ADAMTS10: variants seen among roughly 807,000 people sequenced by gnomAD.
The protein encoded by ADAMTS10 is ADAM metallopeptidase with thrombospondin type 1 motif 10.
In ADAMTS10, 48 loss-of-function variants were observed where a neutral mutation model predicts 135.9. The ratio of observed to expected loss-of-function variants is 0.35; its 90% CI spans 0.28 to 0.45. ADAMTS10 has a LOEUF of 0.45. Ranked by LOEUF, ADAMTS10 falls within the 20% of genes least tolerant of loss-of-function variation. The pLI, the probability that ADAMTS10 is intolerant of heterozygous loss-of-function variation, is 1.00. For missense variants in ADAMTS10, 1,131 were observed against 1,565.2 expected, an observed-to-expected ratio of 0.72 and a Z score of 4.68; for synonymous variants, 621 against 647.5, an observed-to-expected ratio of 0.96 and a Z score of 0.62.
At chr19:8,594,595 G>C (rs1242169645) in intron 12 of ADAMTS10, among the ~76,000 whole-genome samples, 4 of 152,126 alleles carry the variant, frequency 2.6e-5, no homozygotes, top group Non-Finnish European at 5.9e-5. Flanking sequence ...AGTCATGAGA[G>C]ACCTGGATTT....
Position 8,595,501 on chromosome 19 carries a change from C to A in ADAMTS10, c.1479+261G>T, listed in dbSNP as rs571615234. 7.5e-4 allele frequency: 384 copies of A among 508,922 alleles called. 3 individuals are homozygous for A. Among genetic ancestry groups the A allele is most frequent in the African/African-American group, 6.6e-3 (343 of 51,796 alleles). The allele number at this position is 508,922 out of a possible 1,614,324, so 31.5% of individuals were successfully genotyped here. On this transcript the variant is annotated intron_variant, in intron 12 of 25. Transcript: ENST00000597188. Reference sequence around the variant, plus strand: ...GTGTGATGTGCCAGACAGAAGCTGGCCCCCCAGCCCAGCCCTCAAATCAGG... The same window carrying A: ...GTGTGATGTGCCAGACAGAAGCTGGACCCCCAGCCCAGCCCTCAAATCAGG...
rs2042482161 is a variant in ADAMTS10 at position 8,589,190 on chromosome 19, G to A, written c.2158+52C>T. 5.6e-6 allele frequency: 9 copies of A among 1,609,584 alleles called. No individual in the cohort carries two copies. In the South Asian group the frequency reaches 9.9e-5, roughly 18 times the overall value. ...TACTGCACTGGGATCAGTTCCACCTGCAGTCAGCTGGCCCATGCAGGGAGT... is the reference window on the plus strand; with the variant it reads ...TACTGCACTGGGATCAGTTCCACCTACAGTCAGCTGGCCCATGCAGGGAGT... On this transcript the variant is annotated intron_variant, in intron 18 of 25. Transcript: ENST00000597188.
chr19:8,601,254 T>C lies in ADAMTS10; in HGVS notation c.593-109A>G, dbSNP rs188806278. 1.9e-4 allele frequency: 234 copies of C among 1,233,696 alleles called. 1 individual carries two copies. The East Asian group carries it at 5.5e-3, about 29-fold the overall frequency. 76.4% of individuals were successfully genotyped at this position (1,233,696 alleles called of 1,614,324 possible). A position where few individuals can be genotyped will look rare whatever the true frequency, so the allele number is the denominator to read the frequency against. Reference sequence around the variant, plus strand: ...CTGGCTACCTCTCTACCCAACAGTCTGGACAGACAATTTCTGGTCATTCTG... The same window carrying C: ...CTGGCTACCTCTCTACCCAACAGTCCGGACAGACAATTTCTGGTCATTCTG... On this transcript the variant is annotated intron_variant, in intron 5 of 25. Coordinates refer to ENST00000597188, the MANE Select transcript of ADAMTS10 (RefSeq NM_030957.4). This position sits in a 1 kb window ranked among gnomAD's most constrained non-coding sequence, Gnocchi z 4.6.
intron 12 of ADAMTS10, 84 bp downstream of exon 12, chr19:8,595,678 G>A: frequency 7.2e-7 from 1 of 1,398,020 alleles, no homozygotes; most frequent in Admixed American, 1.8e-5. Flanking sequence ...TCACTTCCCA[G>A]GTGGGTGCCC....
rs1555742390 is a variant in ADAMTS10, at chr19:8,605,399, T to C, written c.89-41A>G. ...AGAGGCCTGGGGTGGGCCCTGGTCT[T>C]ATTGGACCCCTGTGTCCTGGCTGTT... On this transcript the variant is annotated intron_variant, in intron 3 of 25. Transcript: ENST00000597188. This position sits in a 1 kb window ranked among gnomAD's most constrained non-coding sequence, Gnocchi z 7.7. 2 of 1,544,236 alleles carry C rather than the reference T, an allele frequency of 1.3e-6. No homozygotes were observed. Among genetic ancestry groups the C allele is most frequent in the African/African-American group, 1.4e-5 (1 of 73,190 alleles).
In ADAMTS10 at chr19:8,596,612, G is replaced by C. The variant is rs2042608667; in HGVS notation, c.1041-27C>G. On this transcript the variant is annotated intron_variant, in intron 8 of 25. Coordinates refer to ENST00000597188, the MANE Select transcript of ADAMTS10 (RefSeq NM_030957.4). The surrounding 1 kb of genome is among the most constrained non-coding windows in gnomAD (Gnocchi z 7.2). ...TGTAAAAGGAGACAGGGTCAGTGAG[G>C]GGGCTGGGCTGTCTCCCTAAGCCCT... 1.9e-6 allele frequency: 3 copies of C among 1,611,512 alleles called. No individual in the cohort carries two copies. Among genetic ancestry groups the C allele is most frequent in the African/African-American group, 2.7e-5 (2 of 74,992 alleles).
At position 8,591,848 on chromosome 19, in the gene ADAMTS10, G is replaced by A; in HGVS notation, c.1749C>T (p.Gly583=). 1 of 1,613,620 alleles carries A rather than the reference G, an allele frequency of 6.2e-7. No individual in the cohort carries two copies. The highest frequency in any genetic ancestry group is 8.5e-7 in the Non-Finnish European group (1 of 1,180,026). ...HCDSPRPTIG[G]KYCLGERRRH... ...GCCTTCTCTCACCCAGACAGTACTT[G>A]CCCCCGATGGTTGGCCTGGAAAGGG... Residue 583 remains glycine, a synonymous_variant, in exon 15 of 26, where the codon GGC becomes GGT. Coordinates refer to ENST00000597188, the MANE Select transcript of ADAMTS10 (RefSeq NM_030957.4).
intron 13 of ADAMTS10, 114 bp from the exon 14 acceptor site, chr19:8,592,217 C>CTGGAAGGGGATGGGT: frequency 6.9e-7 from 1 of 1,442,954 alleles, no homozygotes; most frequent in Non-Finnish European, 9.0e-7. Flanking sequence ...CCGGGATGGG[C>CTGGAAGGGGATGGGT]AGAGGCGGGG....
intron 18 of ADAMTS10, 113 bp downstream of exon 18, chr19:8,589,129 G>A (rs2042481215): frequency 1.0e-5 from 16 of 1,559,212 alleles, no homozygotes; most frequent in Non-Finnish European, 1.4e-5. Context: ...GACACTCCAC[G>A]GGGCCCCTGG....
At chr19:8,589,805 G>C (rs553285477) in intron 16 of ADAMTS10, 84 bp downstream of exon 16, 5 of 1,466,166 alleles carry the variant, frequency 3.4e-6, no homozygotes, top group Admixed American at 3.7e-5. Flanking sequence ...GGCAGACCCC[G>C]GGATGCTGCA....
intron 15 of ADAMTS10, 94 bp from the exon 16 acceptor site, chr19:8,590,085 G>A (rs1023103063): frequency 8.8e-6 from 8 of 913,270 alleles, no homozygotes; most frequent in Non-Finnish European, 1.4e-5. Context: ...GGAGGAGGGA[G>A]GCTAGAGGCA....
chr19:8,585,014 A>G lies in ADAMTS10; in HGVS notation c.3083T>C (p.Val1028Ala), dbSNP rs1339572177. ...QCGVGQRQRSVRCTSHTGQAS... is the reference protein window; with the variant it reads ...QCGVGQRQRSARCTSHTGQAS... ...CTGGCCCGTGTGGCTGGTGCAGCGCACCGAGCGCTGCCGCTGCCCGACGCC... is the reference window on the plus strand; with the variant it reads ...CTGGCCCGTGTGGCTGGTGCAGCGCGCCGAGCGCTGCCGCTGCCCGACGCC... The change falls in exon 25 of 26, where the codon GTG becomes GCG. Residue 1028 changes from valine (V) to alanine (A), a missense_variant. By Grantham distance (64) the Val-to-Ala change is moderately conservative. Transcript: ENST00000597188. 6.5e-7 allele frequency: 1 copy of G among 1,537,736 alleles called. No individual in the cohort carries two copies.
intron 25 of ADAMTS10, chr19:8,581,298 A>G (rs1294139031): frequency 4.6e-6 from 1 of 218,186 alleles, no homozygotes; most frequent in African/African-American, 2.3e-5. Context: ...AGTTTCCTCA[A>G]CTATCAAAGG....
chr19:8,596,535 C>T lies in ADAMTS10; in HGVS notation c.1084+7G>A, dbSNP rs533539937. On this transcript the variant is annotated splice_region_variant and intron_variant, in intron 9 of 25. Coordinates refer to ENST00000597188, the MANE Select transcript of ADAMTS10 (RefSeq NM_030957.4). This position sits in a 1 kb window ranked among gnomAD's most constrained non-coding sequence, Gnocchi z 7.2. ...ATAGGCGCCTGAAACCTACGGGGCT[C>T]GGGTACCTAGTGTGCCGCAGGGTTT... 40 of 1,613,928 alleles carry T rather than the reference C, an allele frequency of 2.5e-5. No individual in the cohort carries two copies. Among genetic ancestry groups the T allele is most frequent in the Middle Eastern group, 1.7e-4 (1 of 5,970 alleles).
Position 8,590,711 on chromosome 19 carries a change from C to T in ADAMTS10, c.1798-720G>A, listed in dbSNP as rs900778372. Reference sequence around the variant, plus strand: ...CTGACCTCAGGTGATTGACCCGCCTCGGCCTCCCAAAGTGCTGGGATTGCA... The same window carrying T: ...CTGACCTCAGGTGATTGACCCGCCTTGGCCTCCCAAAGTGCTGGGATTGCA... On this transcript the variant is annotated intron_variant, in intron 15 of 25. Transcript: ENST00000597188. Among the ~76,000 whole-genome samples the T allele has an allele frequency of 3.9e-5, 6 of 152,146 alleles. No homozygotes were observed. In the South Asian group the frequency reaches 1.0e-3, roughly 26 times the overall value.
intron 6 of ADAMTS10, among the ~76,000 whole-genome samples, chr19:8,600,594 G>A (rs2042655232): frequency 2.0e-5 from 3 of 149,858 alleles, no homozygotes; most frequent in Non-Finnish European, 4.4e-5. Flanking sequence ...TGCCTCCCAG[G>A]TTCACGCCAT....
chr19:8,584,030 A>G (rs1158361588), intron 25 of ADAMTS10, among the ~76,000 whole-genome samples: 4 of 147,036 alleles, frequency 2.7e-5, no homozygotes. Flanking sequence ...GGTGGCGGGC[A>G]CCTGTACTCC....
At chr19:8,603,961 T>G in intron 4 of ADAMTS10, 77 bp from the exon 5 acceptor site, 1 of 1,450,284 alleles carries the variant, frequency 6.9e-7, no homozygotes, top group Non-Finnish European at 9.3e-7. Flanking sequence ...CTTCTCTCTG[T>G]CTTTATGATT....
intron 6 of ADAMTS10, among the ~76,000 whole-genome samples, chr19:8,600,085 C>A (rs1443116852): frequency 6.6e-6 from 1 of 152,106 alleles, no homozygotes; most frequent in Non-Finnish European, 1.5e-5. Flanking sequence ...GATCTGCCCA[C>A]CTTGGGCATG....
Sources: allele counts gnomAD v4.1 joint callset (sites outside exome capture counted in the v4.1 genomes callset), GRCh38; gene constraint gnomAD v4.1.1; non-coding constraint Gnocchi (gnomAD v3.1); transcripts MANE v1.5; gene names NCBI Gene and HGNC (gene_info 2026-07-23, HGNC 2026-07-21).